Variants in CPXM2 observed in about 807,000 individuals in gnomAD.
The protein encoded by CPXM2 is carboxypeptidase X, M14 family member 2.
In CPXM2, 66 loss-of-function variants were observed where a neutral mutation model predicts 86.1. The observed-to-expected ratio is 0.77, with a 90% CI of 0.63 to 0.94. The LOEUF is 0.94. Among genes scored for constraint, CPXM2 ranks in the 40% least tolerant of loss-of-function variants. CPXM2 has a pLI of 0.00. For synonymous variants in CPXM2, 388 were observed against 400.2 expected (o/e 0.97, Z 0.36); for missense variants, 948 against 1,026.3 (o/e 0.92, Z 1.04).
intron 13 of CPXM2, chr10:123,752,189 G>T: frequency 1.0e-6 from 1 of 985,312 alleles, no homozygotes; most frequent in Non-Finnish European, 1.2e-6. Context: ...ACTCTGCGTG[G>T]TCTCTGGCAC....
At chr10:123,837,623 A>G (rs1848306433) in intron 4 of CPXM2, among the ~76,000 whole-genome samples, 1 of 152,218 alleles carries the variant, frequency 6.6e-6, no homozygotes, top group Non-Finnish European at 1.5e-5. Flanking sequence ...TAGTATACTA[A>G]CATTGCACAA....
At position 123,889,162 on chromosome 10, in the gene CPXM2, T is replaced by C. The variant is rs1476719427; in HGVS notation, c.304+2194A>G. On this transcript the variant is annotated intron_variant, in intron 1 of 13. Coordinates refer to ENST00000241305, the MANE Select transcript of CPXM2 (RefSeq NM_198148.3). The stretch of plus-strand genomic sequence containing the variant: ...CACTTCCCCATGTAACCCCTGAGTC[T>C]GCAGACACATTAGTCTGTGGACACT... Among the ~76,000 whole-genome samples the C allele has an allele frequency of 2.0e-5, 3 of 152,242 alleles. No individual in the cohort carries two copies. The East Asian group carries it at 5.8e-4, about 29-fold the overall frequency.
At chr10:123,789,636 T>C (rs932168524) in intron 6 of CPXM2, among the ~76,000 whole-genome samples, 1 of 152,196 alleles carries the variant, frequency 6.6e-6, no homozygotes, top group Non-Finnish European at 1.5e-5. Context: ...CAAAGAATTT[T>C]CCCAGCAAGG....
intron 2 of CPXM2, among the ~76,000 whole-genome samples, chr10:123,901,956 T>C (rs968391690): frequency 6.6e-6 from 1 of 152,248 alleles, no homozygotes; most frequent in East Asian, 1.9e-4. Context: ...AACTGTTCAC[T>C]GGAATGAAGT....
chr10:123,890,476 G>A (rs962585757), intron 1 of CPXM2, among the ~76,000 whole-genome samples: 4 of 152,198 alleles, frequency 2.6e-5, no homozygotes, highest in Non-Finnish European at 5.9e-5. Context: ...TGTAACGGTG[G>A]CACCCGCACG....
chr10:123,791,883 C>T (rs1174120160), intron 6 of CPXM2, among the ~76,000 whole-genome samples: 1 of 152,186 alleles, frequency 6.6e-6, no homozygotes, highest in African/African-American at 2.4e-5. Flanking sequence ...CTGCGAGAGG[C>T]CATCCTTCCG....
intron 2 of CPXM2, among the ~76,000 whole-genome samples, chr10:123,901,428 T>TG (rs1222778953): frequency 2.2e-4 from 29 of 134,370 alleles, no homozygotes; most frequent in South Asian, 5.4e-4. Flanking sequence ...TCCAAGCAAG[T>TG]TTGTGTGTGT....
chr10:123,751,677 C>A (rs1032339948), intron 13 of CPXM2: 4 of 985,394 alleles, frequency 4.1e-6, no homozygotes, highest in East Asian at 2.3e-4. Flanking sequence ...CCATTTAATA[C>A]CCCTGTTTAT....
chr10:123,751,508 G>A, intron 13 of CPXM2: 1 of 985,232 alleles, frequency 1.0e-6, no homozygotes, highest in African/African-American at 1.7e-5. Flanking sequence ...TGGGCAGAAG[G>A]GGCAACTCAG....
intron 4 of CPXM2, among the ~76,000 whole-genome samples, chr10:123,811,225 T>C (rs1361336804): frequency 6.6e-6 from 1 of 152,048 alleles, no homozygotes; most frequent in Admixed American, 6.5e-5. Flanking sequence ...TGTATACATG[T>C]GCCATGTTGG....
At chr10:123,833,298 C>A (rs1279126092) in intron 4 of CPXM2, among the ~76,000 whole-genome samples, 1 of 151,996 alleles carries the variant, frequency 6.6e-6, no homozygotes, top group Non-Finnish European at 1.5e-5. Flanking sequence ...GTGTAGGGAA[C>A]CCATGTGCTT....
intron 8 of CPXM2, among the ~76,000 whole-genome samples, chr10:123,768,962 T>A (rs866808751): frequency 1.3e-5 from 2 of 152,244 alleles, no homozygotes; most frequent in African/African-American, 4.8e-5. Context: ...AGGGGAATAA[T>A]GTCCATTTTT....
At chr10:123,777,351 C>T (rs945531546) in intron 7 of CPXM2, 1 of 152,548 alleles carries the variant, frequency 6.6e-6, no homozygotes, top group African/African-American at 2.4e-5. Flanking sequence ...AGGTCATTAA[C>T]CTTGTCCTCA....
At position 123,768,691 on chromosome 10, in the gene CPXM2, G is replaced by C. The variant is rs1194360923; in HGVS notation, c.1134C>G (p.Ala378=). 2 of 1,610,968 alleles carry C rather than the reference G, an allele frequency of 1.2e-6. No homozygotes were observed. Among genetic ancestry groups the C allele is most frequent in the African/African-American group, 2.7e-5 (2 of 74,932 alleles). Residue 378 remains alanine, a synonymous_variant, in exon 9 of 14, where the codon GCC becomes GCG. Coordinates refer to ENST00000241305, the MANE Select transcript of CPXM2 (RefSeq NM_198148.3). Reference sequence around the variant, plus strand: ...CCCGGCCCAGCACCTCATTGCCGTGGGCCCCCGCGATGTAGTGGAACTCGG... The same window carrying C: ...CCCGGCCCAGCACCTCATTGCCGTGCGCCCCCGCGATGTAGTGGAACTCGG... ...GEPEFHYIAG[A]HGNEVLGREL...
chr10:123,922,211 C>T (rs1298483902), intron 2 of CPXM2, among the ~76,000 whole-genome samples: 1 of 151,898 alleles, frequency 6.6e-6, no homozygotes, highest in Non-Finnish European at 1.5e-5. Flanking sequence ...CCAAATGTCC[C>T]GAGGTGCAAA....
At chr10:123,765,072 A>T (rs1250928357) in intron 10 of CPXM2, among the ~76,000 whole-genome samples, 5 of 152,070 alleles carry the variant, frequency 3.3e-5, no homozygotes, top group Non-Finnish European at 7.4e-5. Context: ...TTCCAGTTTA[A>T]TTGTATGGTG....
At chr10:123,871,762 T>C (rs1187972770) in intron 2 of CPXM2, among the ~76,000 whole-genome samples, 2 of 151,868 alleles carry the variant, frequency 1.3e-5, no homozygotes, top group Middle Eastern at 6.8e-3. Flanking sequence ...AAAAGACACT[T>C]CTACTAGAGT....
intron 3 of CPXM2, among the ~76,000 whole-genome samples, chr10:123,851,025 T>G (rs546703744): frequency 6.6e-6 from 1 of 152,354 alleles, no homozygotes; most frequent in African/African-American, 2.4e-5. Flanking sequence ...TATCCTTTTT[T>G]CAAAGCCATT....
At chr10:123,875,022 G>A (rs1004969871) in intron 2 of CPXM2, among the ~76,000 whole-genome samples, 1 of 152,176 alleles carries the variant, frequency 6.6e-6, no homozygotes, top group African/African-American at 2.4e-5. Context: ...GCCTATAGCT[G>A]CAGACTGGCC....
Sources: gnomAD v4.1 joint callset for allele counts (sites outside exome capture counted in the v4.1 genomes callset) on GRCh38, gnomAD v4.1.1 for gene constraint, MANE v1.5 for transcripts, NCBI Gene and HGNC (gene_info 2026-07-23, HGNC 2026-07-21) for gene names.